Variants in RTL4 observed in about 807,000 individuals in gnomAD.
RTL4 encodes retrotransposon Gag like 4, also known as retrotransposon Gag-like protein 4.
RTL4 carries 4 observed loss-of-function variants against 5.3 expected under a neutral mutation model. The ratio of observed to expected loss-of-function variants is 0.75; its 90% CI spans 0.37 to 1.72. The LOEUF is 1.72. Among genes scored for constraint, RTL4 ranks in the 40% most tolerant of loss-of-function variants. The pLI, the probability that RTL4 is intolerant of heterozygous loss-of-function variation, is 0.04. For synonymous variants in RTL4, 98 were observed against 87.3 expected, an observed-to-expected ratio of 1.12 and a Z score of -0.68; for missense variants, 260 against 227.1, an observed-to-expected ratio of 1.14 and a Z score of -0.93.
chrX:112,417,772 A>G, the RTL4 span, among the ~76,000 whole-genome samples: 1 of 111,433 alleles, frequency 9.0e-6, no homozygotes, highest in Non-Finnish European at 1.9e-5. Context: ...ATCTGGAATC[A>G]GGCCAGATCC....
the RTL4 span, among the ~76,000 whole-genome samples, chrX:112,306,645 A>C: frequency 9.0e-6 from 1 of 111,480 alleles, no homozygotes; most frequent in Non-Finnish European, 1.9e-5. Context: ...GAGGGGAAAG[A>C]TGGAAGGAGG....
At chrX:112,110,031 C>T in the RTL4 span, among the ~76,000 whole-genome samples, 10 of 111,651 alleles carry the variant, frequency 9.0e-5, no homozygotes, top group East Asian at 5.7e-4. Flanking sequence ...AAATAGGGCC[C>T]GAAGGCGAGT....
At chrX:112,289,862 A>G in the RTL4 span, among the ~76,000 whole-genome samples, 11 of 111,241 alleles carry the variant, frequency 9.9e-5, no homozygotes, top group Non-Finnish European at 1.5e-4. Context: ...TAAGTGAGGT[A>G]GGTACTGTTA....
At chrX:112,089,872 T>C in the RTL4 span, among the ~76,000 whole-genome samples, 1 of 111,713 alleles carries the variant, frequency 9.0e-6, no homozygotes, top group Non-Finnish European at 1.9e-5. Flanking sequence ...TTCTAATCCA[T>C]GACACAATGA....
the RTL4 span, among the ~76,000 whole-genome samples, chrX:112,085,669 C>A: frequency 9.0e-6 from 1 of 111,647 alleles, no homozygotes; most frequent in African/African-American, 3.3e-5. Flanking sequence ...AAAAATGCGT[C>A]CAGGCATGGC....
At chrX:112,451,053 TG>T (rs1408768716), upstream of RTL4, among the ~76,000 whole-genome samples, 1 of 112,045 alleles carries the variant, frequency 8.9e-6, no homozygotes, top group Non-Finnish European at 1.9e-5. Context: ...GGCTTAATTA[TG>T]GGATGTTTCC....
At chrX:112,158,764 T>A in the RTL4 span, among the ~76,000 whole-genome samples, 1 of 111,606 alleles carries the variant, frequency 9.0e-6, no homozygotes, top group Non-Finnish European at 1.9e-5. Flanking sequence ...TTATAAATAA[T>A]TATGGAATTA....
chrX:112,399,140 T>C, the RTL4 span, among the ~76,000 whole-genome samples: 1 of 112,094 alleles, frequency 8.9e-6, no homozygotes, highest in South Asian at 3.7e-4. Flanking sequence ...ATAGAATCTT[T>C]AGTAATGTTG....
chrX:112,239,648 G>C, the RTL4 span, among the ~76,000 whole-genome samples: 1 of 111,357 alleles, frequency 9.0e-6, no homozygotes, highest in African/African-American at 3.3e-5. Context: ...ATGACCACTT[G>C]GTATGAGTTG....
chrX:112,108,542 C>T, the RTL4 span, among the ~76,000 whole-genome samples: 1 of 111,582 alleles, frequency 9.0e-6, no homozygotes, highest in Admixed American at 9.5e-5. Context: ...TTTGGGCTGT[C>T]TGGCATGGGT....
chrX:112,115,797 C>T, the RTL4 span, among the ~76,000 whole-genome samples: 56 of 111,987 alleles, frequency 5.0e-4, 1 homozygote, highest in South Asian at 2.2e-3. Context: ...TTTTTAGAAG[C>T]GGGACTAGCC....
chrX:112,345,810 G>A, the RTL4 span, among the ~76,000 whole-genome samples: 1 of 111,391 alleles, frequency 9.0e-6, no homozygotes, highest in Middle Eastern at 4.7e-3. Flanking sequence ...ATCCCAATTT[G>A]ACCCCTAGTT....
the RTL4 span, among the ~76,000 whole-genome samples, chrX:112,149,632 T>G: frequency 8.9e-6 from 1 of 112,159 alleles, no homozygotes; most frequent in African/African-American, 3.2e-5. Context: ...CCTTTGATAT[T>G]GAACCCTTTG....
chrX:112,410,445 T>C, the RTL4 span, among the ~76,000 whole-genome samples: 1 of 112,129 alleles, frequency 8.9e-6, no homozygotes, highest in Admixed American at 9.5e-5. Context: ...ATTCTCCTCA[T>C]CACATAGATC....
At chrX:112,410,709 A>G in the RTL4 span, among the ~76,000 whole-genome samples, 1 of 111,744 alleles carries the variant, frequency 8.9e-6, no homozygotes, top group South Asian at 3.7e-4. Context: ...ACAATATGCC[A>G]AAACCTGTGG....
the RTL4 span, among the ~76,000 whole-genome samples, chrX:112,309,232 T>C: frequency 4.7e-4 from 52 of 110,609 alleles, no homozygotes; most frequent in Admixed American, 1.1e-3. Flanking sequence ...AGTAAGGTCT[T>C]TCTTCTTAGC....
At chrX:112,128,659 C>CAAAAAAAAAAAAAAAAAAAA in the RTL4 span, among the ~76,000 whole-genome samples, 17 of 41,122 alleles carry the variant, frequency 4.1e-4, no homozygotes, top group Non-Finnish European at 7.8e-4. Context: ...CTCTGTCTCA[C>CAAAAAAAAAAAAAAAAAAAA]AAAAAAAAAA....
the RTL4 span, among the ~76,000 whole-genome samples, chrX:112,297,835 T>C: frequency 8.9e-6 from 1 of 112,036 alleles, no homozygotes; most frequent in Non-Finnish European, 1.9e-5. Flanking sequence ...ATAGAAAAGA[T>C]GTTCTGGAAC....
chrX:112,335,280 T>G, the RTL4 span, among the ~76,000 whole-genome samples: 2 of 111,789 alleles, frequency 1.8e-5, no homozygotes, highest in East Asian at 2.8e-4. Flanking sequence ...AGATTATGTT[T>G]ATTTTCTTAT....
Sources: allele counts gnomAD v4.1 joint callset (sites outside exome capture counted in the v4.1 genomes callset), GRCh38; gene constraint gnomAD v4.1.1; transcripts MANE v1.5; gene names NCBI Gene and HGNC (gene_info 2026-07-23, HGNC 2026-07-21).